The following NRG3 variants were observed in gnomAD, a reference collection of about 807,000 sequenced individuals.
NRG3 encodes neuregulin 3, also known as pro-neuregulin-3, membrane-bound isoform.
A neutral mutation model predicts 66.9 loss-of-function variants in NRG3; 31 were observed. The ratio of observed to expected loss-of-function variants is 0.46; its 90% confidence interval spans 0.35 to 0.63. The LOEUF (loss-of-function observed/expected upper bound fraction) is 0.63, where lower values mean the gene tolerates loss of function less well. Among genes scored for constraint, NRG3 ranks in the 20% least tolerant of loss-of-function variants. The pLI is 0.00. For synonymous variants in NRG3, 393 were observed against 359.4 expected (o/e 1.09, Z -1.06); for missense variants, 910 against 878.9 (o/e 1.04, Z -0.45).
At chr10:82,393,690 A>G (rs749028023) in intron 2 of NRG3, among the ~76,000 whole-genome samples, 10 of 152,156 alleles carry the variant, frequency 6.6e-5, no homozygotes, top group Non-Finnish European at 1.5e-4. Flanking sequence ...CCTACTACCA[A>G]GAGTAGACCT....
chr10:82,249,085 C>T (rs763298497), intron 1 of NRG3, among the ~76,000 whole-genome samples: 2 of 152,160 alleles, frequency 1.3e-5, no homozygotes, highest in Non-Finnish European at 2.9e-5. Context: ...TAAGTCTGTC[C>T]TCTCTGAAAC....
chr10:82,136,231 T>G (rs2132577530), intron 1 of NRG3, among the ~76,000 whole-genome samples: 1 of 152,306 alleles, frequency 6.6e-6, no homozygotes, highest in South Asian at 2.1e-4. Context: ...CTGAGCTGCC[T>G]TCAGCTGAGG....
chr10:82,726,580 C>T (rs533791596), intron 2 of NRG3, among the ~76,000 whole-genome samples: 1 of 152,228 alleles, frequency 6.6e-6, no homozygotes, highest in South Asian at 2.1e-4. Flanking sequence ...GATTGGGAGC[C>T]TCCCCAGCCA....
At chr10:82,748,444 C>G (rs1267350371) in intron 3 of NRG3, among the ~76,000 whole-genome samples, 1 of 151,212 alleles carries the variant, frequency 6.6e-6, no homozygotes, top group East Asian at 1.9e-4. Flanking sequence ...TACACTCACC[C>G]AAATTTGTAA....
rs928228402 is a variant in NRG3 at position 82,316,521 on chromosome 10, T to C, written c.824-42218T>C. On this transcript the variant is annotated intron_variant, in intron 1 of 8. Coordinates refer to ENST00000372141, the MANE Select transcript of NRG3 (RefSeq NM_001010848.4). The stretch of plus-strand genomic sequence containing the variant: ...AAATATTTTTGCCTACGGACCCTTT[T>C]TTCCCCCTCCTGGTAAAATGAAGGG... Among the ~76,000 whole-genome samples, 5 of 152,158 alleles carry C rather than the reference T, an allele frequency of 3.3e-5. No homozygotes were observed. The East Asian group carries it at 9.6e-4, about 29-fold the overall frequency.
chr10:82,929,822 G>A (rs1847380316), intron 4 of NRG3, among the ~76,000 whole-genome samples: 3 of 149,964 alleles, frequency 2.0e-5, no homozygotes, highest in Admixed American at 1.3e-4. Flanking sequence ...GTTGCAGTGA[G>A]CCGAGATTGT....
intron 3 of NRG3, among the ~76,000 whole-genome samples, chr10:82,816,517 G>A (rs575049415): frequency 2.1e-4 from 32 of 152,324 alleles, no homozygotes; most frequent in Admixed American, 1.1e-3. Context: ...GGGAGGAAAT[G>A]CATGCTGATT....
At chr10:82,652,273 A>T (rs1366436470) in intron 2 of NRG3, among the ~76,000 whole-genome samples, 1 of 152,164 alleles carries the variant, frequency 6.6e-6, no homozygotes, top group Non-Finnish European at 1.5e-5. Flanking sequence ...GGTCAGTGTG[A>T]CAGCCTTTTT....
chr10:82,203,008 A>G (rs2133517188), intron 1 of NRG3, among the ~76,000 whole-genome samples: 1 of 152,316 alleles, frequency 6.6e-6, no homozygotes, highest in South Asian at 2.1e-4. Context: ...GAGGCACATT[A>G]GGGAGGACAT....
At chr10:82,785,757 T>C (rs907617390) in intron 3 of NRG3, among the ~76,000 whole-genome samples, 1 of 152,090 alleles carries the variant, frequency 6.6e-6, no homozygotes, top group Admixed American at 6.6e-5. Context: ...AAAGATGGAA[T>C]TTGTAATTAA....
In NRG3 at chr10:82,408,085, CAGAAAGAAAGAAAGAAAGAAAGAA is replaced by C. The variant is rs71009807; in HGVS notation, c.953+49255_953+49278del. Among the ~76,000 whole-genome samples the C allele has an allele frequency of 1.8e-3, 135 of 74,860 alleles. 1 individual carries two copies. The highest frequency in any genetic ancestry group is 2.5e-3 in the Non-Finnish European group (103 of 41,200). 49.1% of individuals were successfully genotyped at this position (74,860 alleles called of 152,430 possible). Reference sequence around the variant, plus strand: ...AGAGAGAGAGAGAGAGAGAGAGAGACAGAAAGAAAGAAAGAAAGAAAGAAAGAAAGAAAGAAAGAAAGAAAGAAA... The same window carrying C: ...AGAGAGAGAGAGAGAGAGAGAGAGACAGAAAGAAAGAAAGAAAGAAAGAAA... On this transcript the variant is annotated intron_variant, in intron 2 of 8. Transcript: ENST00000372141.
intron 1 of NRG3, among the ~76,000 whole-genome samples, chr10:82,060,349 G>A (rs145573982): frequency 3.9e-5 from 6 of 152,278 alleles, no homozygotes; most frequent in South Asian, 2.1e-4. Flanking sequence ...AAAAAGACTT[G>A]CTTAAACTGA....
intron 2 of NRG3, among the ~76,000 whole-genome samples, chr10:82,387,433 G>A (rs187101292): frequency 2.6e-5 from 4 of 152,308 alleles, no homozygotes; most frequent in East Asian, 1.9e-4. Context: ...CTTAGGTGAC[G>A]CATGGACCAT....
chr10:82,321,247 G>A (rs953553263), intron 1 of NRG3, among the ~76,000 whole-genome samples: 5 of 151,318 alleles, frequency 3.3e-5, no homozygotes, highest in African/African-American at 1.2e-4. Context: ...GGGTTTGAGC[G>A]CATGGTGGCT....
At chr10:82,568,505 A>T (rs2045547583) in intron 2 of NRG3, among the ~76,000 whole-genome samples, 1 of 151,828 alleles carries the variant, frequency 6.6e-6, no homozygotes, top group African/African-American at 2.4e-5. Flanking sequence ...GCTCTAAAGC[A>T]CTTCTCCCTG....
intron 3 of NRG3, among the ~76,000 whole-genome samples, chr10:82,809,891 G>A (rs1310766764): frequency 6.6e-6 from 1 of 150,440 alleles, no homozygotes; most frequent in Admixed American, 6.6e-5. Context: ...TTAAATTTAA[G>A]ATAATCTACT....
At chr10:82,532,373 G>T (rs1847346173) in intron 2 of NRG3, among the ~76,000 whole-genome samples, 1 of 150,682 alleles carries the variant, frequency 6.6e-6, no homozygotes, top group Non-Finnish European at 1.5e-5. Context: ...TCTTTCTTAA[G>T]GTTGAATAGT....
At chr10:81,981,441 C>T (rs536932621) in intron 1 of NRG3, among the ~76,000 whole-genome samples, 219 of 152,322 alleles carry the variant, frequency 1.4e-3, no homozygotes, top group South Asian at 7.2e-3. Flanking sequence ...TAATGCCCTG[C>T]GCTCCAGGCC....
intron 3 of NRG3, among the ~76,000 whole-genome samples, chr10:82,832,455 T>C (rs1223419894): frequency 1.3e-5 from 2 of 152,180 alleles, no homozygotes; most frequent in Non-Finnish European, 2.9e-5. Context: ...GGAGTACAGA[T>C]TGGCATAACC....
Sources: gnomAD v4.1 joint callset for allele counts (sites outside exome capture counted in the v4.1 genomes callset) on GRCh38, gnomAD v4.1.1 for gene constraint, MANE v1.5 for transcripts, NCBI Gene and HGNC (gene_info 2026-07-23, HGNC 2026-07-21) for gene names.